The following MYO10 variants were observed in gnomAD, a reference collection of about 807,000 sequenced individuals.
MYO10 encodes myosin X, also known as unconventional myosin-X.
In MYO10, 133 loss-of-function variants were observed where a neutral mutation model predicts 257.3. The ratio of observed to expected loss-of-function variants is 0.52; its 90% CI spans 0.45 to 0.60. The LOEUF is 0.60. Ranked by LOEUF, MYO10 falls within the 20% of genes least tolerant of loss-of-function variation. The pLI, the probability that MYO10 is intolerant of heterozygous loss-of-function variation, is 0.00. For synonymous variants in MYO10, 1,104 were observed against 1,028.6 expected (o/e 1.07, Z -1.40); for missense variants, 2,399 against 2,635.7 (o/e 0.91, Z 1.97).
At position 16,863,852 on chromosome 5, in the gene MYO10, C is replaced by T. The variant is rs142191669; in HGVS notation, c.120+13757G>A. On this transcript the variant is annotated intron_variant, in intron 2 of 40. Transcript: ENST00000513610. Reference sequence around the variant, plus strand: ...GTGGCTCATGCCTGTAATCCCATTACTTTGGGAGGCCAAGACAGGAGGATC... The same window carrying T: ...GTGGCTCATGCCTGTAATCCCATTATTTTGGGAGGCCAAGACAGGAGGATC... 5.9e-3 allele frequency among the ~76,000 whole-genome samples: 905 copies of T among 152,288 alleles called. 14 individuals carry two copies. Among genetic ancestry groups the T allele is most frequent in the African/African-American group, 0.021 (870 of 41,560 alleles).
intron 4 of MYO10, among the ~76,000 whole-genome samples, chr5:16,787,748 A>G (rs1376333950): frequency 6.6e-6 from 1 of 152,124 alleles, no homozygotes; most frequent in Non-Finnish European, 1.5e-5. Context: ...AAGTCACAAG[A>G]CAGTTCCTAA....
chr5:16,667,776 T>G (rs1736245033), intron 40 of MYO10, among the ~76,000 whole-genome samples: 2 of 152,170 alleles, frequency 1.3e-5, no homozygotes, highest in Non-Finnish European at 2.9e-5. Context: ...TTGTATTATA[T>G]TTTTTAAACT....
At chr5:16,910,750 G>T (rs113163998) in intron 1 of MYO10, among the ~76,000 whole-genome samples, 20 of 152,268 alleles carry the variant, frequency 1.3e-4, no homozygotes, top group African/African-American at 4.8e-4. Flanking sequence ...CAGCATGGGG[G>T]TGTGGCTTCC....
chr5:16,752,656 T>G (rs1740411322), intron 19 of MYO10, among the ~76,000 whole-genome samples: 1 of 152,170 alleles, frequency 6.6e-6, no homozygotes, highest in African/African-American at 2.4e-5. Context: ...CTATCATCCT[T>G]ATTGTAGAAA....
At chr5:16,853,207 G>GA (rs991737802) in intron 2 of MYO10, among the ~76,000 whole-genome samples, 16 of 151,684 alleles carry the variant, frequency 1.1e-4, no homozygotes, top group African/African-American at 2.9e-4. Flanking sequence ...CATCTCTACT[G>GA]AAAATACAAA....
chr5:16,909,713 T>TAC (rs773223101), intron 1 of MYO10, among the ~76,000 whole-genome samples: 73 of 152,228 alleles, frequency 4.8e-4, no homozygotes, highest in Non-Finnish European at 8.1e-4. Context: ...TGTTTAGCCC[T>TAC]ACCAAGTCGC....
rs528674810 is a variant in MYO10 at position 16,876,846 on chromosome 5, T to C, written c.120+763A>G. 2.6e-5 allele frequency among the ~76,000 whole-genome samples: 4 copies of C among 152,318 alleles called. No individual in the cohort carries two copies. In the South Asian group the frequency reaches 8.3e-4, roughly 32 times the overall value. ...CTGGGATTACCGGCGTGAGCCACTG[T>C]GCCCAGCCTGAACTGAATGTTTGTA... On this transcript the variant is annotated intron_variant, in intron 2 of 40. Transcript: ENST00000513610.
At chr5:16,815,592 T>C (rs1366720106) in intron 3 of MYO10, 10 of 622,720 alleles carry the variant, frequency 1.6e-5, no homozygotes, top group Non-Finnish European at 2.6e-5. Context: ...TGCCTGGCAG[T>C]GTCCTTGGTT....
chr5:16,672,710 T>C lies in MYO10; in HGVS notation c.5288A>G (p.Asp1763Gly). The change falls in exon 37 of 41, where the codon GAT becomes GGT. Residue 1763 changes from aspartate to glycine, a missense_variant. Asp to Gly is a moderately conservative substitution (Grantham distance 94, BLOSUM62 -1). This residue lies in a region of MYO10 where 1,820 missense variants were observed against 1,939.4 expected (regional missense o/e 0.94). Transcript: ENST00000513610. ...KAIESRTVVA[D>G]VLAKFEKLAA... ...CTACTTTTCAAACTTGGCTAAGACA[T>C]CAGCTACGACGGTTCGACTTTCAAT... 1.2e-6 allele frequency: 2 copies of C among 1,614,046 alleles called. No homozygotes were observed. The highest frequency in any genetic ancestry group is 1.7e-6 in the Non-Finnish European group (2 of 1,179,904).
chr5:16,875,417 G>A (rs746257487), intron 2 of MYO10, among the ~76,000 whole-genome samples: 6 of 152,082 alleles, frequency 3.9e-5, no homozygotes, highest in Non-Finnish European at 8.8e-5. Context: ...CTAAAGTTGA[G>A]CAAAATTCAC....
At chr5:16,789,545 T>G (rs1051700446) in intron 4 of MYO10, among the ~76,000 whole-genome samples, 2 of 152,170 alleles carry the variant, frequency 1.3e-5, no homozygotes, top group African/African-American at 4.8e-5. Flanking sequence ...CTTAGCACTT[T>G]GGGAGGCTGA....
chr5:16,928,824 G>A (rs1435299935), intron 1 of MYO10, among the ~76,000 whole-genome samples: 4 of 150,754 alleles, frequency 2.7e-5, no homozygotes, highest in African/African-American at 7.3e-5. Context: ...CAGCCTGGGC[G>A]ACAGAGCAAG....
intron 26 of MYO10, among the ~76,000 whole-genome samples, chr5:16,697,869 C>T (rs1280208496): frequency 2.0e-5 from 3 of 151,984 alleles, no homozygotes; most frequent in Non-Finnish European, 4.4e-5. Flanking sequence ...TTCTCATATC[C>T]CTGCCCATCT....
intron 37 of MYO10, 134 bp downstream of exon 37, chr5:16,672,555 C>T (rs990769897): frequency 2.0e-6 from 2 of 994,114 alleles, no homozygotes; most frequent in Non-Finnish European, 2.9e-6. Flanking sequence ...GTTAAACAGG[C>T]ATCAACACAG....
chr5:16,840,157 A>G (rs1376081632), intron 2 of MYO10, among the ~76,000 whole-genome samples: 4 of 152,196 alleles, frequency 2.6e-5, no homozygotes. Flanking sequence ...TCACGCCTAT[A>G]ATCCCAGCAC....
chr5:16,766,680 C>T (rs1016689150), intron 10 of MYO10, among the ~76,000 whole-genome samples: 6 of 151,948 alleles, frequency 3.9e-5, no homozygotes, highest in Admixed American at 2.0e-4. Context: ...TTGGCCAGGA[C>T]GGTCTTGATC....
intron 19 of MYO10, among the ~76,000 whole-genome samples, chr5:16,725,990 G>T (rs1180304625): frequency 6.6e-6 from 1 of 152,034 alleles, no homozygotes; most frequent in Non-Finnish European, 1.5e-5. Context: ...TGACCATGTT[G>T]GCCAGGCTGG....
At chr5:16,706,242 TATATATACACATATACTC>T (rs1222804944) in intron 21 of MYO10, among the ~76,000 whole-genome samples, 4 of 151,598 alleles carry the variant, frequency 2.6e-5, no homozygotes, top group African/African-American at 9.8e-5. Flanking sequence ...TACACACTCA[TATATATACACATATACTC>T]ATATATACAC....
intron 2 of MYO10, among the ~76,000 whole-genome samples, chr5:16,831,261 A>G (rs1364058706): frequency 6.6e-6 from 1 of 152,182 alleles, no homozygotes; most frequent in Non-Finnish European, 1.5e-5. Context: ...ACACTTCTAC[A>G]CTGCTGGTGG....
Sources: allele counts gnomAD v4.1 joint callset (sites outside exome capture counted in the v4.1 genomes callset), GRCh38; gene constraint gnomAD v4.1.1; regional missense constraint gnomAD v4.1.1; transcripts MANE v1.5; gene names NCBI Gene and HGNC (gene_info 2026-07-23, HGNC 2026-07-21).